Variants in QARS1 observed in about 807,000 individuals in gnomAD.
The protein encoded by QARS1 is glutaminyl-tRNA synthetase 1, also known as glutamine--tRNA ligase.
QARS1 carries 79 observed loss-of-function variants against 106.9 expected under a neutral mutation model. The ratio of observed to expected loss-of-function variants is 0.74; its 90% confidence interval spans 0.62 to 0.89. The LOEUF (loss-of-function observed/expected upper bound fraction) is 0.89, where lower values mean the gene tolerates loss of function less well. Among genes scored for constraint, QARS1 ranks in the 40% least tolerant of loss-of-function variants. The pLI, the probability that QARS1 is intolerant of heterozygous loss-of-function variation, is 0.00. For missense variants in QARS1, 966 were observed against 997.2 expected (o/e 0.97, Z 0.42); for synonymous variants, 395 against 367.7 (o/e 1.07, Z -0.85).
intron 6 of QARS1, 29 bp downstream of exon 6, chr3:49,102,390 C>G (rs1575402861): frequency 6.2e-7 from 1 of 1,613,710 alleles, no homozygotes; most frequent in African/African-American, 1.3e-5. Flanking sequence ...ACCTCACCCT[C>G]AGGGACTCAG....
intron 10 of QARS1, among the ~76,000 whole-genome samples, chr3:49,101,006 T>C (rs951091210): frequency 9.2e-5 from 14 of 152,342 alleles, no homozygotes; most frequent in East Asian, 5.8e-4. Flanking sequence ...CCTCCCGAAG[T>C]GTTGAGATTA....
intron 23 of QARS1, among the ~76,000 whole-genome samples, chr3:49,096,798 C>CAAAAAAAA (rs770587253): frequency 0.049 from 695 of 14,152 alleles, 206 homozygotes; most frequent in Non-Finnish European, 0.053. Context: ...GACTCCGTCT[C>CAAAAAAAA]AAAAAAAAAA....
chr3:49,098,764 G>C (rs908560267), intron 19 of QARS1, 72 bp from the exon 20 acceptor site: 8 of 1,499,774 alleles, frequency 5.3e-6, no homozygotes, highest in Non-Finnish European at 1.8e-6. Flanking sequence ...CCCTACCCCC[G>C]TGTCTGGCAA....
Position 49,099,257 on chromosome 3 carries a change from G to A in QARS1, c.1615-4C>T, listed in dbSNP as rs556906258. On this transcript the variant is annotated splice_region_variant and splice_polypyrimidine_tract_variant and intron_variant, in intron 17 of 23. Transcript: ENST00000306125. ...TTTGTGCCACAGTCACTCCCACCTG[G>A]CAGGAAAGTTCAGCATCAGTCACAG... 1.2e-6 allele frequency: 2 copies of A among 1,614,024 alleles called. No homozygotes were observed. Among genetic ancestry groups the A allele is most frequent in the Admixed American group, 1.7e-5 (1 of 59,998 alleles).
At chr3:49,104,019 G>A (rs2042505815) in intron 2 of QARS1, 47 bp from the exon 3 acceptor site, 1 of 1,517,722 alleles carries the variant, frequency 6.6e-7, no homozygotes, top group Non-Finnish European at 9.1e-7. Flanking sequence ...GCTCCAAGAA[G>A]TGGACAGACA....
At chr3:49,102,337 G>A in intron 6 of QARS1, 72 bp from the exon 7 acceptor site, 15 of 1,612,548 alleles carry the variant, frequency 9.3e-6, no homozygotes, top group Non-Finnish European at 1.1e-5. Context: ...GGATCCCTGT[G>A]GTCAGACACT....
At position 49,100,596 on chromosome 3, in the gene QARS1, AGATGGCCGT is replaced by A. The variant is rs2042456712; in HGVS notation, c.946_954del (p.Thr316_Ile318del). 6.2e-7 allele frequency: 1 copy of A among 1,607,522 alleles called. No individual in the cohort carries two copies. Among genetic ancestry groups the A allele is most frequent in the East Asian group, 2.2e-5 (1 of 44,866 alleles). On this transcript the variant is annotated inframe_deletion, in exon 11 of 24. Transcript: ENST00000306125. ...ATACCTAGCCAGGCTACCATGTCAC[AGATGGCCGT>A]GAAGAACTTTGCTTCCTCCTTCTCA...
intron 10 of QARS1, 57 bp from the exon 11 acceptor site, chr3:49,100,731 GT>G: frequency 1.5e-6 from 2 of 1,368,216 alleles, no homozygotes; most frequent in Non-Finnish European, 2.1e-6. Flanking sequence ...CCACAATCCT[GT>G]TTATCAAACT....
rs752660207 is a variant in QARS1 at position 49,104,459 on chromosome 3, G to A, written c.130C>T (p.Leu44=). 6.8e-6 allele frequency: 11 copies of A among 1,614,046 alleles called. No homozygotes were observed. The South Asian group carries it at 9.9e-5, about 14-fold the overall frequency. ...REAATQAQQT[L]GSTIDKATGI... is the part of the protein sequence containing the mutation. ...GTAGCTTTGTCAATGGTGGAACCCA[G>A]GGTCTGCTGAGCCTGAGGTCAGAGG... Residue 44 remains leucine (L), a synonymous_variant, in exon 2 of 24, where the codon CTG becomes TTG. Transcript: ENST00000306125.
rs1163160268 is a variant in QARS1, at chr3:49,100,660, G to C, written c.891C>G (p.Ile297Met). 1 of 1,603,346 alleles carries C rather than the reference G, an allele frequency of 6.2e-7. No individual in the cohort carries two copies. Among genetic ancestry groups the C allele is most frequent in the Non-Finnish European group, 8.5e-7 (1 of 1,170,150 alleles). ...NFGYAKANNG[I>M]CFLRFDDTNP... ...TGGTGTCATCAAAACGCAGAAAACA[G>C]ATGCCATTGTTGGCCTAGGAAAGTT... The change falls in exon 11 of 24, where the codon ATC becomes ATG. Residue 297 changes from isoleucine to methionine, a missense_variant. Physicochemically the swap from Ile to Met is conservative, Grantham distance 10 (BLOSUM62 1). Coordinates refer to ENST00000306125, the MANE Select transcript of QARS1 (RefSeq NM_005051.3).
At chr3:49,101,184 C>T (rs1182119088) in intron 10 of QARS1, among the ~76,000 whole-genome samples, 171 bp downstream of exon 10, 1 of 152,222 alleles carries the variant, frequency 6.6e-6, no homozygotes, top group Non-Finnish European at 1.5e-5. Flanking sequence ...GCTATTTATT[C>T]CAATAAGCTC....
intron 9 of QARS1, 54 bp from the exon 10 acceptor site, chr3:49,101,495 A>G: frequency 1.9e-6 from 3 of 1,580,814 alleles, no homozygotes; most frequent in Non-Finnish European, 2.6e-6. Flanking sequence ...AGATGACCTT[A>G]AAGAAACAGA....
At position 49,100,433 on chromosome 3, in the gene QARS1, A is replaced by C; in HGVS notation, c.1002T>G (p.Tyr334Ter). ...ATAGCTGGTCAAAATAGTCAGACGCATATGTGACTTTGTAAGGTGTGTAGC... is the reference window on the plus strand; with the variant it reads ...ATAGCTGGTCAAAATAGTCAGACGCCTATGTGACTTTGTAAGGTGTGTAGC... Reference protein sequence around the residue: ...WLGYTPYKVTYASDYFDQLYA... With the variant: ...WLGYTPYKVT Residue 334 changes from tyrosine (Y) to a stop codon, truncating the protein, a stop_gained, in exon 12 of 24, where the codon TAT (tyrosine) becomes TAG (stop). Coordinates refer to ENST00000306125, the MANE Select transcript of QARS1 (RefSeq NM_005051.3). LOFTEE classifies it high-confidence loss of function. 6.2e-7 allele frequency: 1 copy of C among 1,614,236 alleles called. No individual in the cohort carries two copies. Among genetic ancestry groups the C allele is most frequent in the Non-Finnish European group, 8.5e-7 (1 of 1,180,034 alleles).
chr3:49,100,316 G>C lies in QARS1; in HGVS notation c.1056-18C>G. The C allele has an allele frequency of 6.2e-7, 1 of 1,614,220 alleles. No individual in the cohort carries two copies. Among genetic ancestry groups the C allele is most frequent in the East Asian group, 2.2e-5 (1 of 44,886 alleles). Reference sequence around the variant, plus strand: ...CCAGACCCCTGTGGGGAAGCGGTGTGAGTGCCCAGCATGGCTGTGACCTAG... The same window carrying C: ...CCAGACCCCTGTGGGGAAGCGGTGTCAGTGCCCAGCATGGCTGTGACCTAG... On this transcript the variant is annotated intron_variant, in intron 12 of 23. Coordinates refer to ENST00000306125, the MANE Select transcript of QARS1 (RefSeq NM_005051.3).
rs1402402195 is a variant in QARS1 at position 49,099,980 on chromosome 3, G to C, written c.1276C>G (p.His426Asp). The C allele has an allele frequency of 6.2e-7, 1 of 1,614,066 alleles. No individual in the cohort carries two copies. The highest frequency in any genetic ancestry group is 8.5e-7 in the Non-Finnish European group (1 of 1,180,028). Residue 426 changes from histidine to aspartate, a missense_variant, in exon 14 of 24, where the codon CAC (histidine) becomes GAC (aspartate). Transcript: ENST00000306125. ...ACCCACCATTTGTCCCCTGTGCGGT[G>C]GTGTGGTGTATACTTGACTCGATAG... Reference protein sequence around the residue: ...VAYRVKYTPHHRTGDKWCIYP... With the variant: ...VAYRVKYTPHDRTGDKWCIYP...
intron 7 of QARS1, 112 bp downstream of exon 7, chr3:49,102,093 A>C: frequency 7.0e-7 from 1 of 1,428,208 alleles, no homozygotes; most frequent in Non-Finnish European, 9.7e-7. Context: ...GTCTTGAGAC[A>C]GAAGTCAGGG....
Position 49,102,269 on chromosome 3 carries a change from A to T in QARS1, c.571-4T>A. 1 of 1,614,188 alleles carries T rather than the reference A, an allele frequency of 6.2e-7. No homozygotes were observed. Among genetic ancestry groups the T allele is most frequent in the Non-Finnish European group, 8.5e-7 (1 of 1,180,032 alleles). ...CTTCTAGCCGAGCTTTTGCCACCTGAAAGAAGCCCCAGGTGCTTCAGAAAA... is the reference window on the plus strand; with the variant it reads ...CTTCTAGCCGAGCTTTTGCCACCTGTAAGAAGCCCCAGGTGCTTCAGAAAA... On this transcript the variant is annotated splice_polypyrimidine_tract_variant and splice_region_variant and intron_variant, in intron 6 of 23. Transcript: ENST00000306125.
At chr3:49,102,148 G>A (rs2042479420) in intron 7 of QARS1, 57 bp downstream of exon 7, 6 of 1,607,212 alleles carry the variant, frequency 3.7e-6, no homozygotes, top group Non-Finnish European at 5.1e-6. Context: ...GGACTCTTCT[G>A]AGGAGGTTCA....
At chr3:49,103,589 G>T (rs1446171337) in intron 4 of QARS1, 42 bp downstream of exon 4, 1 of 1,599,950 alleles carries the variant, frequency 6.3e-7, no homozygotes, top group Non-Finnish European at 8.5e-7. Flanking sequence ...GAAAAGGCAT[G>T]ACCAGAGAGA....
Sources: allele counts gnomAD v4.1 joint callset (sites outside exome capture counted in the v4.1 genomes callset), GRCh38; gene constraint gnomAD v4.1.1; transcripts MANE v1.5; gene names NCBI Gene and HGNC (gene_info 2026-07-23, HGNC 2026-07-21).